The following DMXL1 variants were observed in gnomAD, a reference collection of about 807,000 sequenced individuals.
DMXL1 encodes the protein Dmx like 1.
Under a neutral mutation model 319.2 loss-of-function variants are expected in DMXL1, and 99 were observed. The ratio of observed to expected loss-of-function variants is 0.31; its 90% CI spans 0.26 to 0.37. The LOEUF is 0.37. Among genes scored for constraint, DMXL1 ranks in the 10% least tolerant of loss-of-function variants. The probability of loss-of-function intolerance (pLI) is 1.00; values close to 1 mark genes in which losing one functional copy is unlikely to be tolerated. For synonymous variants in DMXL1, 1,385 were observed against 1,235.2 expected (o/e 1.12, Z -2.54); for missense variants, 3,745 against 3,595.6 (o/e 1.04, Z -1.06).
intron 28 of DMXL1, among the ~76,000 whole-genome samples, chr5:119,180,169 G>T (rs1269331968): frequency 6.6e-6 from 1 of 152,150 alleles, no homozygotes; most frequent in Non-Finnish European, 1.5e-5. Flanking sequence ...GGAATTTCAG[G>T]TTTTAAGAAC....
intron 6 of DMXL1, 121 bp downstream of exon 6, chr5:119,114,662 A>G (rs1380432831): frequency 3.9e-6 from 3 of 761,192 alleles, no homozygotes; most frequent in African/African-American, 1.8e-5. Flanking sequence ...TCCATTAAAA[A>G]TTGTTTTTTT....
chr5:119,112,171 C>T (rs747003515), intron 5 of DMXL1, among the ~76,000 whole-genome samples: 1 of 152,164 alleles, frequency 6.6e-6, no homozygotes, highest in Non-Finnish European at 1.5e-5. Context: ...CCATGTTAGC[C>T]ATGATGGTCT....
At chr5:119,088,812 C>A (rs1753938507) in intron 1 of DMXL1, among the ~76,000 whole-genome samples, 3 of 151,908 alleles carry the variant, frequency 2.0e-5, no homozygotes, top group Non-Finnish European at 1.5e-5. Context: ...TCTTAATTTG[C>A]CTGTTTTTAT....
At position 119,149,609 on chromosome 5, in the gene DMXL1, C is replaced by G; in HGVS notation, c.3782C>G (p.Ser1261Cys). 2 of 1,613,920 alleles carry G rather than the reference C, an allele frequency of 1.2e-6. No individual in the cohort carries two copies. The highest frequency in any genetic ancestry group is 1.7e-6 in the Non-Finnish European group (2 of 1,179,908). Residue 1261 changes from serine to cysteine, a missense_variant, in exon 18 of 44, where the codon TCT becomes TGT. Around this residue, in one of 4 missense-constraint regions of DMXL1, gnomAD observed 2,096 missense variants for 1,985.4 expected, o/e 1.06. Coordinates refer to ENST00000539542, the MANE Select transcript of DMXL1 (RefSeq NM_001290321.3). Reference protein sequence around the residue: ...ITDSYSGSTPSITSLIKQSNS... With the variant: ...ITDSYSGSTPCITSLIKQSNS... The stretch of plus-strand genomic sequence containing the variant: ...GATTCGTACAGTGGGAGCACTCCAT[C>G]TATAACAAGTTTAATAAAACAGAGT...
intron 1 of DMXL1, among the ~76,000 whole-genome samples, chr5:119,072,953 C>T (rs887046094): frequency 6.6e-6 from 1 of 152,210 alleles, no homozygotes; most frequent in African/African-American, 2.4e-5. Context: ...AAGTAAACAT[C>T]ATCCTTAGAA....
chr5:119,235,133 A>G (rs1013709926), intron 39 of DMXL1, among the ~76,000 whole-genome samples: 4 of 152,178 alleles, frequency 2.6e-5, no homozygotes, highest in Admixed American at 1.3e-4. Flanking sequence ...CTCACACTGT[A>G]TCACAGTAAT....
chr5:119,189,934 T>A lies in DMXL1; in HGVS notation c.7314+48T>A, dbSNP rs372010476. ...CAATATTTTCATAGTCAAATAGAAA[T>A]GAGAATATCAGAAATAAGTGTCATT... On this transcript the variant is annotated intron_variant, in intron 29 of 43. Coordinates refer to ENST00000539542, the MANE Select transcript of DMXL1 (RefSeq NM_001290321.3). 7.8e-6 allele frequency: 12 copies of A among 1,531,608 alleles called. No individual in the cohort carries two copies. In the African/African-American group the frequency reaches 1.5e-4, roughly 19 times the overall value. 94.9% of individuals were successfully genotyped at this position (1,531,608 alleles called of 1,614,324 possible).
Position 119,071,480 on chromosome 5 carries a change from C to A in DMXL1, c.-90C>A. 1 of 1,326,376 alleles carries A rather than the reference C, an allele frequency of 7.5e-7. No individual in the cohort carries two copies. Among genetic ancestry groups the A allele is most frequent in the Non-Finnish European group, 1.1e-6 (1 of 947,176 alleles). The allele number at this position is 1,326,376 out of a possible 1,614,324, so 82.2% of individuals were successfully genotyped here. On this transcript the variant is annotated 5_prime_UTR_variant, in exon 1 of 44. Coordinates refer to ENST00000539542, the MANE Select transcript of DMXL1 (RefSeq NM_001290321.3). ...TCTGCCGTCGCCACCGAAGAGCGGC[C>A]GCCGCCCCTGAGGGAAGGAGGGAGG... is the stretch of plus-strand genomic sequence containing the variant.
chr5:119,095,278 C>T (rs942147649), intron 1 of DMXL1, among the ~76,000 whole-genome samples: 1 of 152,152 alleles, frequency 6.6e-6, no homozygotes, highest in East Asian at 1.9e-4. Flanking sequence ...AGCAAAAGAA[C>T]AAGGGTAATT....
chr5:119,184,895 T>C (rs1021546752), intron 28 of DMXL1, among the ~76,000 whole-genome samples: 7 of 152,158 alleles, frequency 4.6e-5, no homozygotes, highest in African/African-American at 1.7e-4. Flanking sequence ...GTTGAAATCT[T>C]ATATACAGAA....
intron 28 of DMXL1, among the ~76,000 whole-genome samples, chr5:119,189,052 T>A (rs569329791): frequency 6.6e-6 from 1 of 152,352 alleles, no homozygotes; most frequent in South Asian, 2.1e-4. Context: ...AAGATTTGTA[T>A]AATTTTTTTA....
At chr5:119,124,641 C>G (rs943517648) in intron 9 of DMXL1, among the ~76,000 whole-genome samples, 5 of 145,766 alleles carry the variant, frequency 3.4e-5, no homozygotes, top group African/African-American at 1.0e-4. Context: ...TCAAGGCTCA[C>G]TGCAACCTCT....
At chr5:119,096,409 C>A (rs1457274218) in intron 1 of DMXL1, among the ~76,000 whole-genome samples, 2 of 152,132 alleles carry the variant, frequency 1.3e-5, no homozygotes, top group Admixed American at 1.3e-4. Flanking sequence ...CTCCAGACCT[C>A]AGGTGATCCG....
intron 32 of DMXL1, among the ~76,000 whole-genome samples, chr5:119,199,489 A>G (rs1780283824): frequency 6.6e-6 from 1 of 152,054 alleles, no homozygotes; most frequent in South Asian, 2.1e-4. Context: ...TTTAGGTTCC[A>G]TTTCTTTGCT....
At chr5:119,232,536 C>CA (rs1455550569) in intron 38 of DMXL1, among the ~76,000 whole-genome samples, 3 of 152,118 alleles carry the variant, frequency 2.0e-5, no homozygotes, top group Admixed American at 1.3e-4. Flanking sequence ...ATTTTCTACT[C>CA]ACAACTGTCC....
intron 38 of DMXL1, among the ~76,000 whole-genome samples, chr5:119,227,620 GT>G (rs945546622): frequency 1.3e-5 from 2 of 151,570 alleles, no homozygotes; most frequent in Non-Finnish European, 2.9e-5. Flanking sequence ...CTGTTTTTTG[GT>G]TTTTTTTCAA....
intron 33 of DMXL1, among the ~76,000 whole-genome samples, chr5:119,205,254 A>G (rs1047801016): frequency 1.3e-5 from 2 of 152,282 alleles, no homozygotes; most frequent in Middle Eastern, 3.4e-3. Flanking sequence ...TCTGAAAACA[A>G]TACAAAAAAA....
Position 119,121,048 on chromosome 5 carries a change from G to T in DMXL1, c.1011G>T (p.Gln337His), listed in dbSNP as rs1761933373. ...LVAHTGYLPH[Q>H]QDPHHVHRNT... ...CACATACGGGATATCTACCACATCAGCAGGATCCTCATCATGTTCACAGGA... is the reference window on the plus strand; with the variant it reads ...CACATACGGGATATCTACCACATCATCAGGATCCTCATCATGTTCACAGGA... Residue 337 changes from glutamine to histidine, a missense_variant, in exon 9 of 44, where the codon CAG (glutamine) becomes CAT (histidine). By Grantham distance (24) the Gln-to-His change is conservative (BLOSUM62 0). Transcript: ENST00000539542. 1 of 1,613,662 alleles carries T rather than the reference G, an allele frequency of 6.2e-7. No homozygotes were observed. The highest frequency in any genetic ancestry group is 1.3e-5 in the African/African-American group (1 of 74,910).
At chr5:119,100,796 T>C (rs1757089525) in intron 2 of DMXL1, 1 of 143,850 alleles carries the variant, frequency 7.0e-6, no homozygotes, top group South Asian at 2.3e-4. Context: ...TTTTTTTTTT[T>C]TGAGACGGAG....
Sources: gnomAD v4.1 joint callset for allele counts (sites outside exome capture counted in the v4.1 genomes callset) on GRCh38, gnomAD v4.1.1 for gene constraint, gnomAD v4.1.1 regional missense constraint, MANE v1.5 for transcripts, NCBI Gene and HGNC (gene_info 2026-07-23, HGNC 2026-07-21) for gene names.